The following MAGI2 variants were observed in gnomAD, a reference collection of about 807,000 sequenced individuals.
MAGI2 encodes the protein membrane associated guanylate kinase, WW and PDZ domain containing 2.
A neutral mutation model predicts 133.3 loss-of-function variants in MAGI2; 35 were observed. The observed-to-expected ratio is 0.26, with a 90% CI of 0.20 to 0.35. The LOEUF (loss-of-function observed/expected upper bound fraction) is 0.35, where lower values mean the gene tolerates loss of function less well. Ranked by LOEUF, MAGI2 falls within the 10% of genes least tolerant of loss-of-function variation. MAGI2 has a pLI of 1.00. For synonymous variants in MAGI2, 729 were observed against 710.6 expected (o/e 1.03, Z -0.41); for missense variants, 1,636 against 1,863.4 (o/e 0.88, Z 2.25).
intron 21 of MAGI2, among the ~76,000 whole-genome samples, chr7:78,054,497 TCTCA>T (rs1462554330): frequency 6.6e-6 from 1 of 152,120 alleles, no homozygotes; most frequent in East Asian, 1.9e-4. Context: ...AAAGCCTCCA[TCTCA>T]CTCTACGGAC....
rs151017639 is a variant in MAGI2, at chr7:78,815,901, G to C, written c.419-188662C>G. 3.0e-3 allele frequency among the ~76,000 whole-genome samples: 459 copies of C among 152,280 alleles called. 1 individual carries two copies. The highest frequency in any genetic ancestry group is 0.01 in the African/African-American group (434 of 41,558). ...GGCTGCAAAGTATTCAAGTTAAAGG[G>C]AGAGTTGCATGTCCTTCAGTTTAAA... On this transcript the variant is annotated intron_variant, in intron 2 of 21. Coordinates refer to ENST00000354212, the MANE Select transcript of MAGI2 (RefSeq NM_012301.4).
At chr7:78,661,834 T>C (rs2061540747) in intron 2 of MAGI2, among the ~76,000 whole-genome samples, 1 of 152,180 alleles carries the variant, frequency 6.6e-6, no homozygotes, top group South Asian at 2.1e-4. Flanking sequence ...AAAAGAAGAC[T>C]CAGAGTGAGT....
chr7:78,302,317 T>G (rs922181360), intron 9 of MAGI2, among the ~76,000 whole-genome samples: 33 of 152,132 alleles, frequency 2.2e-4, no homozygotes, highest in African/African-American at 7.7e-4. Flanking sequence ...GAAAAAAAAT[T>G]CAAAGAGCAG....
intron 1 of MAGI2, among the ~76,000 whole-genome samples, chr7:79,173,643 T>G (rs553852032): frequency 9.9e-5 from 15 of 152,152 alleles, no homozygotes; most frequent in African/African-American, 3.4e-4. Flanking sequence ...CGAGTTTTCT[T>G]TATAAAATAA....
intron 1 of MAGI2, among the ~76,000 whole-genome samples, chr7:79,235,086 G>A (rs1236960628): frequency 6.6e-6 from 1 of 151,732 alleles, no homozygotes; most frequent in Admixed American, 6.6e-5. Context: ...GCTGGGGGGT[G>A]CCTCCCAGTT....
intron 1 of MAGI2, among the ~76,000 whole-genome samples, chr7:79,192,668 T>A (rs1827775029): frequency 6.6e-6 from 1 of 151,714 alleles, no homozygotes; most frequent in Admixed American, 6.6e-5. Context: ...GGCTGAAGGT[T>A]TTTTTGGGGG....
At chr7:79,181,643 T>C (rs1028496916) in intron 1 of MAGI2, among the ~76,000 whole-genome samples, 12 of 152,010 alleles carry the variant, frequency 7.9e-5, no homozygotes, top group Non-Finnish European at 4.4e-5. Flanking sequence ...ACATTCAGCT[T>C]CTCATTACTT....
intron 21 of MAGI2, among the ~76,000 whole-genome samples, chr7:78,037,894 G>C (rs1318903609): frequency 6.6e-6 from 1 of 152,190 alleles, no homozygotes; most frequent in East Asian, 1.9e-4. Flanking sequence ...TGCTGAAGCA[G>C]TAGGAACTAG....
chr7:78,852,102 T>G (rs898800572), intron 2 of MAGI2, among the ~76,000 whole-genome samples: 1 of 152,130 alleles, frequency 6.6e-6, no homozygotes, highest in Non-Finnish European at 1.5e-5. Flanking sequence ...CTGTTTATAT[T>G]ATTGGGGGTT....
chr7:78,109,630 T>TGAAAA (rs567153183), intron 20 of MAGI2, among the ~76,000 whole-genome samples: 1 of 152,092 alleles, frequency 6.6e-6, no homozygotes, highest in Admixed American at 6.5e-5. Context: ...AGACTCCGTC[T>TGAAAA]CAAAACAAAA....
intron 13 of MAGI2, among the ~76,000 whole-genome samples, chr7:78,181,419 T>TA (rs1459750515): frequency 1.3e-5 from 2 of 152,198 alleles, no homozygotes; most frequent in Non-Finnish European, 2.9e-5. Flanking sequence ...GTGCTCTTTT[T>TA]AAAAAAATCT....
chr7:78,778,285 T>C (rs1826137078), intron 2 of MAGI2, among the ~76,000 whole-genome samples: 1 of 152,212 alleles, frequency 6.6e-6, no homozygotes, highest in Non-Finnish European at 1.5e-5. Flanking sequence ...TTATTGTCCA[T>C]ACCTTCCACC....
intron 1 of MAGI2, among the ~76,000 whole-genome samples, chr7:79,072,286 G>A (rs1317158895): frequency 1.3e-5 from 2 of 152,044 alleles, no homozygotes; most frequent in Non-Finnish European, 2.9e-5. Flanking sequence ...TATAAACCTG[G>A]GAAAACATGA....
At chr7:78,136,807 A>G (rs150835786) in intron 16 of MAGI2, among the ~76,000 whole-genome samples, 1 of 152,374 alleles carries the variant, frequency 6.6e-6, no homozygotes, top group Non-Finnish European at 1.5e-5. Flanking sequence ...CGAAAGGCAG[A>G]ACATTAGCTA....
intron 2 of MAGI2, among the ~76,000 whole-genome samples, chr7:78,762,488 A>C (rs1461392998): frequency 1.3e-5 from 2 of 152,156 alleles, no homozygotes; most frequent in Non-Finnish European, 2.9e-5. Flanking sequence ...AGAAAAAAAA[A>C]CAAAAAACAA....
At chr7:78,205,478 A>G (rs1472294979) in intron 10 of MAGI2, among the ~76,000 whole-genome samples, 1 of 152,184 alleles carries the variant, frequency 6.6e-6, no homozygotes, top group African/African-American at 2.4e-5. Flanking sequence ...TGCCAGATAA[A>G]ATATATACCC....
At chr7:78,392,115 C>T (rs7807057) in intron 6 of MAGI2, among the ~76,000 whole-genome samples, 125,397 of 152,156 alleles carry the variant, frequency 0.82, 51,834 homozygotes, top group African/African-American at 0.87. Context: ...TTGCCTCAAA[C>T]ACTTTACCAT....
intron 5 of MAGI2, among the ~76,000 whole-genome samples, chr7:78,490,277 C>G (rs1231663468): frequency 6.6e-6 from 1 of 152,034 alleles, no homozygotes; most frequent in Non-Finnish European, 1.5e-5. Context: ...ACAGAGCTGG[C>G]AGAGGCAGTA....
intron 1 of MAGI2, among the ~76,000 whole-genome samples, chr7:79,281,209 A>G (rs1385197577): frequency 2.6e-5 from 4 of 152,176 alleles, no homozygotes; most frequent in African/African-American, 9.6e-5. Flanking sequence ...TACATTTTCC[A>G]GAAAAGTAAT....
Sources: gnomAD v4.1 joint callset for allele counts (sites outside exome capture counted in the v4.1 genomes callset) on GRCh38, gnomAD v4.1.1 for gene constraint, MANE v1.5 for transcripts, NCBI Gene and HGNC (gene_info 2026-07-23, HGNC 2026-07-21) for gene names.